NUP42: variants seen among roughly 807,000 people sequenced by gnomAD.
NUP42 encodes nucleoporin 42, also known as nucleoporin NUP42.
NUP42 carries 47 observed loss-of-function variants against 35.9 expected under a neutral mutation model. That is an observed-to-expected ratio of 1.31 (90% CI 1.04 to 1.67). The LOEUF is 1.67. Ranked by LOEUF, NUP42 falls within the 40% of genes most tolerant of loss-of-function variation. NUP42 has a pLI of 0.00. For missense variants in NUP42, 514 were observed against 492.2 expected, an observed-to-expected ratio of 1.04 and a Z score of -0.42; for synonymous variants, 173 against 173.3, an observed-to-expected ratio of 1.00 and a Z score of 0.01.
intron 5 of NUP42, among the ~76,000 whole-genome samples, chr7:23,198,993 C>A (rs1786112765): frequency 6.6e-6 from 1 of 152,154 alleles, no homozygotes; most frequent in African/African-American, 2.4e-5. Context: ...ATTTTTTATG[C>A]ATATTCATAT....
intron 5 of NUP42, chr7:23,198,176 G>A (rs1356217724): frequency 1.3e-5 from 2 of 150,002 alleles, no homozygotes; most frequent in African/African-American, 2.5e-5. Flanking sequence ...GAACCCAGGA[G>A]AGGTTGCAGT....
intron 3 of NUP42, among the ~76,000 whole-genome samples, chr7:23,189,900 G>T (rs541345663): frequency 6.7e-6 from 1 of 148,882 alleles, no homozygotes; most frequent in Non-Finnish European, 1.5e-5. Context: ...GTGACAGAGT[G>T]AGACTCTGTC....
intron 3 of NUP42, among the ~76,000 whole-genome samples, chr7:23,190,753 C>T (rs992493156): frequency 3.3e-5 from 5 of 152,066 alleles, no homozygotes; most frequent in African/African-American, 1.2e-4. Context: ...CAAACCTGCA[C>T]ATTGTGCACA....
At chr7:23,182,567 GA>G (rs1233399098) in intron 1 of NUP42, 1 of 957,956 alleles carries the variant, frequency 1.0e-6, no homozygotes, top group East Asian at 8.7e-5. Flanking sequence ...TCAGAATCAG[GA>G]CTTCATTTTG....
Position 23,185,226 on chromosome 7 carries a change from A to C in NUP42, c.278A>C (p.Glu93Ala), listed in dbSNP as rs140354833. 5.4e-5 allele frequency: 87 copies of C among 1,614,028 alleles called. No individual in the cohort carries two copies. The highest frequency in any genetic ancestry group is 7.0e-5 in the Non-Finnish European group (83 of 1,180,034). Residue 93 changes from glutamate (E) to alanine (A), a missense_variant, in exon 2 of 7, where the codon GAA (glutamate) becomes GCA (alanine). Coordinates refer to ENST00000258742, the MANE Select transcript of NUP42 (RefSeq NM_007342.3). ...FDSGASTNRK[E>A]GFGLSENPFA... ...TCTGGAGCTTCAACTAACAGGAAGG[A>C]AGGCTTTGGATTGTCTGAGAACCCA...
Position 23,199,616 on chromosome 7 carries a change from G to T in NUP42, c.694+74G>T, listed in dbSNP as rs1006089337. The T allele has an allele frequency of 2.2e-5, 27 of 1,226,330 alleles. No individual in the cohort carries two copies. The South Asian group carries it at 3.3e-4, about 15-fold the overall frequency. 76.0% of individuals were successfully genotyped at this position (1,226,330 alleles called of 1,614,324 possible). On this transcript the variant is annotated intron_variant, in intron 6 of 6. Transcript: ENST00000258742. The stretch of plus-strand genomic sequence containing the variant: ...TTTATAGGTTTCAAATTACAAGCCT[G>T]AATCGCCATTTTAAATTACCTTCGT...
chr7:23,182,422 T>C, intron 1 of NUP42: 2 of 1,373,326 alleles, frequency 1.5e-6, no homozygotes, highest in Non-Finnish European at 1.9e-6. Context: ...AGGACCTGGG[T>C]TTGGGCCTGG....
chr7:23,189,682 GTGGGTGGATCA>G (rs996181198), intron 3 of NUP42, among the ~76,000 whole-genome samples: 2 of 151,894 alleles, frequency 1.3e-5, no homozygotes, highest in Non-Finnish European at 2.9e-5. Context: ...GGAGGCCGAG[GTGGGTGGATCA>G]TGAGGTCAGG....
intron 3 of NUP42, among the ~76,000 whole-genome samples, chr7:23,191,443 G>A (rs569936285): frequency 6.6e-6 from 1 of 152,162 alleles, no homozygotes; most frequent in Non-Finnish European, 1.5e-5. Flanking sequence ...GCTTGAACTG[G>A]CAGGATGCTG....
At chr7:23,196,087 G>A (rs1222932404) in intron 4 of NUP42, 172 bp downstream of exon 4, 1 of 354,410 alleles carries the variant, frequency 2.8e-6, no homozygotes, top group Admixed American at 4.6e-5. Context: ...TTATTAAAAT[G>A]ATAATATATT....
chr7:23,187,960 G>T, intron 3 of NUP42: 2 of 626,102 alleles, frequency 3.2e-6, no homozygotes, highest in Non-Finnish European at 5.3e-6. Flanking sequence ...CTCTGGCCTG[G>T]AATAGCATTT....
chr7:23,200,381 T>A lies in NUP42; in HGVS notation c.908T>A (p.Phe303Tyr). 1 of 1,614,130 alleles carries A rather than the reference T, an allele frequency of 6.2e-7. No homozygotes were observed. ...GTCACATCGGCTGCATCATTTTCAT[T>A]CAAAAGCCCTGCAGCTTCCAGTTTT... ...PEVTSAASFS[F>Y]KSPAASSFGS... Residue 303 changes from phenylalanine to tyrosine, a missense_variant, in exon 7 of 7, where the codon TTC becomes TAC. Phe to Tyr is a conservative substitution (Grantham distance 22). Coordinates refer to ENST00000258742, the MANE Select transcript of NUP42 (RefSeq NM_007342.3).
intron 3 of NUP42, chr7:23,187,930 T>TGG: frequency 2.3e-6 from 1 of 435,486 alleles, no homozygotes; most frequent in Non-Finnish European, 4.1e-6. Context: ...CTTTAGAATA[T>TGG]TCTCTGTCTC....
intron 4 of NUP42, 65 bp downstream of exon 4, chr7:23,195,980 C>T (rs896882883): frequency 1.9e-6 from 2 of 1,046,478 alleles, no homozygotes; most frequent in Admixed American, 2.3e-5. Context: ...CTTTCTTTAT[C>T]GTGGCTTGTG....
chr7:23,199,375 G>T, intron 5 of NUP42, 83 bp from the exon 6 acceptor site: 1 of 1,185,106 alleles, frequency 8.4e-7, no homozygotes, highest in South Asian at 1.2e-5. Flanking sequence ...TTAAAAACTT[G>T]AATTTGTCCA....
intron 3 of NUP42, among the ~76,000 whole-genome samples, chr7:23,193,153 G>T (rs577684496): frequency 6.6e-6 from 1 of 152,108 alleles, no homozygotes; most frequent in African/African-American, 2.4e-5. Flanking sequence ...AGACCTTCGC[G>T]GTGAGTGTTA....
At chr7:23,185,320 A>G in intron 2 of NUP42, 22 bp downstream of exon 2, 2 of 1,516,468 alleles carry the variant, frequency 1.3e-6, no homozygotes, top group Non-Finnish European at 1.8e-6. Context: ...TTTTCAGGAA[A>G]ATTACTATCC....
chr7:23,191,098 A>G (rs1785773998), intron 3 of NUP42, among the ~76,000 whole-genome samples: 1 of 152,220 alleles, frequency 6.6e-6, no homozygotes, highest in Non-Finnish European at 1.5e-5. Context: ...GGTAAGAACA[A>G]GGTTGGCAGT....
rs772223018 is a variant in NUP42 at position 23,182,098 on chromosome 7, C to G, written c.13C>G (p.Gln5Glu). 1.2e-6 allele frequency: 2 copies of G among 1,614,084 alleles called. No individual in the cohort carries two copies. Among genetic ancestry groups the G allele is most frequent in the Non-Finnish European group, 1.7e-6 (2 of 1,180,046 alleles). MAIC[Q>E]FFLQGRCRFG... is the part of the protein sequence containing the mutation. The stretch of plus-strand genomic sequence containing the variant: ...CGACGCCGTCGCAATGGCCATTTGT[C>G]AATTCTTCCTTCAAGGCCGGTGCCG... The change falls in exon 1 of 7, where the codon CAA (glutamine) becomes GAA (glutamate). Residue 5 changes from glutamine (Q) to glutamate (E), a missense_variant. Physicochemically the swap from Gln to Glu is conservative, Grantham distance 29. Transcript: ENST00000258742.
Sources: gnomAD v4.1 joint callset for allele counts (sites outside exome capture counted in the v4.1 genomes callset) on GRCh38, gnomAD v4.1.1 for gene constraint, MANE v1.5 for transcripts, NCBI Gene and HGNC (gene_info 2026-07-23, HGNC 2026-07-21) for gene names.